BABAM2: variants seen among roughly 807,000 people sequenced by gnomAD.
BABAM2 encodes BRISC and BRCA1 A complex member 2.
BABAM2 carries 31 observed loss-of-function variants against 54.7 expected under a neutral mutation model. The observed-to-expected ratio is 0.57, with a 90% confidence interval of 0.43 to 0.77. BABAM2 has a LOEUF of 0.77. Among genes scored for constraint, BABAM2 ranks in the 30% least tolerant of loss-of-function variants. The pLI, the probability that BABAM2 is intolerant of heterozygous loss-of-function variation, is 0.00. For missense variants in BABAM2, 364 were observed against 455.8 expected (o/e 0.80, Z 1.83); for synonymous variants, 167 against 162.9 (o/e 1.03, Z -0.19).
At chr2:28,310,236 T>C in intron 11 of BABAM2, 1 of 1,367,328 alleles carries the variant, frequency 7.3e-7, no homozygotes, top group Admixed American at 1.8e-5. Flanking sequence ...TGGCCATCAA[T>C]TACTGCCAAT....
At chr2:28,095,308 A>G (rs1194850993) in intron 6 of BABAM2, among the ~76,000 whole-genome samples, 2 of 152,058 alleles carry the variant, frequency 1.3e-5, no homozygotes, top group Non-Finnish European at 2.9e-5. Flanking sequence ...ACACTAGCCT[A>G]TACCTTCCCT....
chr2:28,161,119 G>A (rs1044166869), intron 7 of BABAM2, among the ~76,000 whole-genome samples: 8 of 152,178 alleles, frequency 5.3e-5, no homozygotes. Flanking sequence ...GCATAAACCA[G>A]CCAGACGTCT....
chr2:27,903,101 C>T (rs1482174706), intron 2 of BABAM2, among the ~76,000 whole-genome samples: 1 of 151,564 alleles, frequency 6.6e-6, no homozygotes, highest in Non-Finnish European at 1.5e-5. Context: ...CCACCCCCCC[C>T]ACCGTATGGA....
At chr2:28,153,643 T>C (rs1672263455) in intron 7 of BABAM2, among the ~76,000 whole-genome samples, 1 of 152,214 alleles carries the variant, frequency 6.6e-6, no homozygotes, top group Non-Finnish European at 1.5e-5. Flanking sequence ...CTCAAGAATG[T>C]TGTCAGTGGA....
intron 5 of BABAM2, among the ~76,000 whole-genome samples, chr2:28,037,951 G>A (rs1227812849): frequency 1.3e-5 from 2 of 152,144 alleles, no homozygotes; most frequent in African/African-American, 4.8e-5. Context: ...TATAAGAAAC[G>A]GGAGTCCTAG....
At chr2:28,028,696 A>T (rs1438957888) in intron 5 of BABAM2, among the ~76,000 whole-genome samples, 7 of 152,166 alleles carry the variant, frequency 4.6e-5, no homozygotes, top group Non-Finnish European at 7.3e-5. Flanking sequence ...TTCTCTGCTA[A>T]TTCTTTTAGG....
chr2:28,328,936 T>C (rs1690709538), intron 11 of BABAM2, among the ~76,000 whole-genome samples: 2 of 152,238 alleles, frequency 1.3e-5, no homozygotes, highest in Admixed American at 6.5e-5. Flanking sequence ...ATTCAGTTTG[T>C]CAGACGTCTA....
chr2:27,892,139 T>C (rs970459521), intron 1 of BABAM2, among the ~76,000 whole-genome samples: 3 of 152,262 alleles, frequency 2.0e-5, no homozygotes, highest in South Asian at 2.1e-4. Context: ...ACTTGGAGAA[T>C]CCGGATTTGG....
intron 10 of BABAM2, 112 bp from the exon 11 acceptor site, chr2:28,298,226 G>T: frequency 1.8e-6 from 2 of 1,107,708 alleles, no homozygotes; most frequent in South Asian, 1.5e-5. Context: ...ACTGCAAGCA[G>T]TATTTGTGGT....
chr2:28,082,802 C>G (rs1023186953), intron 6 of BABAM2, among the ~76,000 whole-genome samples: 5 of 152,072 alleles, frequency 3.3e-5, no homozygotes, highest in Non-Finnish European at 7.4e-5. Context: ...TTTTCTGCTG[C>G]CTCTTGTCTT....
At chr2:28,165,227 T>A (rs1373519365) in intron 7 of BABAM2, among the ~76,000 whole-genome samples, 1 of 152,146 alleles carries the variant, frequency 6.6e-6, no homozygotes, top group African/African-American at 2.4e-5. Context: ...CTTTGAGGAA[T>A]GTGAAGGGTG....
chr2:28,298,263 C>A, intron 10 of BABAM2, 75 bp from the exon 11 acceptor site: 2 of 1,482,534 alleles, frequency 1.3e-6, no homozygotes, highest in Non-Finnish European at 1.8e-6. Flanking sequence ...ACCTAACATT[C>A]GGATTTAGTC....
At chr2:28,279,884 C>T (rs186226861) in intron 10 of BABAM2, among the ~76,000 whole-genome samples, 73 of 151,830 alleles carry the variant, frequency 4.8e-4, no homozygotes, top group Admixed American at 2.3e-3. Context: ...TAGGCTGATC[C>T]GAAGCTCCTG....
intron 6 of BABAM2, among the ~76,000 whole-genome samples, chr2:28,123,816 A>G (rs1373668853): frequency 6.6e-6 from 1 of 152,216 alleles, no homozygotes; most frequent in African/African-American, 2.4e-5. Context: ...GGAAAAAACT[A>G]GTTTCATATT....
intron 6 of BABAM2, among the ~76,000 whole-genome samples, chr2:28,098,600 C>G (rs1354005087): frequency 6.6e-6 from 1 of 152,100 alleles, no homozygotes; most frequent in Non-Finnish European, 1.5e-5. Context: ...CCTTGCTTCC[C>G]TATGAACTAG....
intron 3 of BABAM2, among the ~76,000 whole-genome samples, chr2:27,951,706 A>G (rs528249436): frequency 4.0e-5 from 6 of 151,854 alleles, no homozygotes; most frequent in Non-Finnish European, 8.8e-5. Context: ...AATTTTTTCA[A>G]TTTTTTATTT....
intron 2 of BABAM2, among the ~76,000 whole-genome samples, chr2:27,917,014 C>CTTTTTTTT (rs753765833): frequency 1.1e-5 from 1 of 90,108 alleles, no homozygotes; most frequent in Non-Finnish European, 2.3e-5. Context: ...TCACTCCAAA[C>CTTTTTTTT]TTTTTTTTTT....
At chr2:27,916,056 G>A (rs576719202) in intron 2 of BABAM2, among the ~76,000 whole-genome samples, 20 of 152,332 alleles carry the variant, frequency 1.3e-4, no homozygotes, top group East Asian at 3.9e-4. Flanking sequence ...TGTAGCATGA[G>A]AGCTAATCAG....
rs781400160 is a variant in BABAM2, at chr2:28,025,282, A to G, written c.357A>G (p.Glu119=). 6.2e-7 allele frequency: 1 copy of G among 1,611,204 alleles called. No homozygotes were observed. Among genetic ancestry groups the G allele is most frequent in the South Asian group, 1.1e-5 (1 of 90,236 alleles). The change falls in exon 5 of 12, where the codon GAA becomes GAG. Residue 119 remains glutamate, a synonymous_variant. Transcript: ENST00000379624. ...AATGTCTCTTACTTGTGGTGAAGGA[A>G]CTTGTGCAACAATATCACCAATTCC... ...NPECLLLVVK[E]LVQQYHQFQC...
Sources: allele counts gnomAD v4.1 joint callset (sites outside exome capture counted in the v4.1 genomes callset), GRCh38; gene constraint gnomAD v4.1.1; transcripts MANE v1.5; gene names NCBI Gene and HGNC (gene_info 2026-07-23, HGNC 2026-07-21).